PKNOX2: variants seen among roughly 807,000 people sequenced by gnomAD.
PKNOX2 encodes homeobox protein PKNOX2.
PKNOX2 carries 14 observed loss-of-function variants against 53.1 expected under a neutral mutation model. The ratio of observed to expected loss-of-function variants is 0.26; its 90% CI spans 0.17 to 0.41. PKNOX2 has a LOEUF of 0.41. PKNOX2 is among the 10% of genes least tolerant of loss of function. PKNOX2 has a pLI of 1.00. For missense variants in PKNOX2, 496 were observed against 602.8 expected, an observed-to-expected ratio of 0.82 and a Z score of 1.85; for synonymous variants, 257 against 242.8, an observed-to-expected ratio of 1.06 and a Z score of -0.54.
chr11:125,197,634 C>T (rs1033471746), intron 1 of PKNOX2, among the ~76,000 whole-genome samples: 2 of 152,140 alleles, frequency 1.3e-5, no homozygotes, highest in Non-Finnish European at 2.9e-5. Context: ...CAAACCCCTT[C>T]CCTGCCCCAA....
chr11:125,204,358 G>A (rs1021044599), intron 1 of PKNOX2, among the ~76,000 whole-genome samples: 11 of 152,204 alleles, frequency 7.2e-5, no homozygotes, highest in South Asian at 4.1e-4. Flanking sequence ...GATTCAGCAG[G>A]TCTGTGTGGG....
At chr11:125,253,969 G>A (rs1281572592) in intron 2 of PKNOX2, among the ~76,000 whole-genome samples, 3 of 152,144 alleles carry the variant, frequency 2.0e-5, no homozygotes, top group Non-Finnish European at 2.9e-5. Context: ...CTCCTGCTGG[G>A]TGGGAGCATC....
intron 4 of PKNOX2, among the ~76,000 whole-genome samples, chr11:125,362,638 TGAG>T (rs1303837885): frequency 1.3e-5 from 2 of 152,236 alleles, no homozygotes; most frequent in Non-Finnish European, 2.9e-5. Flanking sequence ...CCCAGAGCAC[TGAG>T]ATTACCGGCA....
chr11:125,420,752 G>A (rs1485636870), intron 10 of PKNOX2, among the ~76,000 whole-genome samples: 1 of 152,150 alleles, frequency 6.6e-6, no homozygotes, highest in East Asian at 1.9e-4. Context: ...AGGGGTCCCA[G>A]AGGCCTGAGA....
Position 125,257,812 on chromosome 11 carries a change from G to T in PKNOX2, c.-130+22697G>T, listed in dbSNP as rs372707890. On this transcript the variant is annotated intron_variant, in intron 2 of 12. Transcript: ENST00000298282. ...TTTTCTGCCCCTCTGAAGCTTGTCTGCTCACTTAGACTTTGCATGAGAGCT... is the reference window on the plus strand; with the variant it reads ...TTTTCTGCCCCTCTGAAGCTTGTCTTCTCACTTAGACTTTGCATGAGAGCT... Among the ~76,000 whole-genome samples, 252 of 152,298 alleles carry T rather than the reference G, an allele frequency of 1.7e-3. 2 individuals are homozygous for T. Among genetic ancestry groups the T allele is most frequent in the Middle Eastern group, 6.8e-3 (2 of 294 alleles).
At chr11:125,213,827 G>T (rs189750420) in intron 1 of PKNOX2, among the ~76,000 whole-genome samples, 1 of 152,038 alleles carries the variant, frequency 6.6e-6, no homozygotes, top group Non-Finnish European at 1.5e-5. Flanking sequence ...CATGTGATCC[G>T]GGAGGGGAGT....
chr11:125,279,558 T>G (rs1591510380), intron 2 of PKNOX2, among the ~76,000 whole-genome samples: 2 of 152,324 alleles, frequency 1.3e-5, no homozygotes, highest in East Asian at 3.9e-4. Context: ...CAACTTGCAG[T>G]GTCTGTCCCG....
intron 1 of PKNOX2, among the ~76,000 whole-genome samples, chr11:125,233,822 GCTAAAGATGGCAGGGA>G (rs1942440072): frequency 6.6e-6 from 1 of 152,224 alleles, no homozygotes; most frequent in Non-Finnish European, 1.5e-5. Flanking sequence ...AAGGGAAAGT[GCTAAAGATGGCAGGGA>G]CATGTGAGGG....
chr11:125,405,061 G>C (rs372946473), intron 7 of PKNOX2, among the ~76,000 whole-genome samples: 12 of 152,220 alleles, frequency 7.9e-5, no homozygotes, highest in Admixed American at 2.0e-4. Context: ...TAGTGGCCGG[G>C]GGGAGGATGG....
rs908267027 is a variant in PKNOX2, at chr11:125,240,752, T to A, written c.-130+5637T>A. Among the ~76,000 whole-genome samples the A allele has an allele frequency of 3.9e-5, 6 of 152,170 alleles. No individual in the cohort carries two copies. Among genetic ancestry groups the A allele is most frequent in the Non-Finnish European group, 2.9e-5 (2 of 68,026 alleles). On this transcript the variant is annotated intron_variant, in intron 2 of 12. Transcript: ENST00000298282. The surrounding 1 kb of genome is among the most constrained non-coding windows in gnomAD (Gnocchi z 4.3). ...GCTTATAAGAAGGTTCTGAAGGGTT[T>A]CCAAGTGCTGCTCCCAGTATCCTTG...
chr11:125,193,261 T>C (rs113629207), intron 1 of PKNOX2, among the ~76,000 whole-genome samples: 6,362 of 152,316 alleles, frequency 0.042, 407 homozygotes, highest in African/African-American at 0.14. Flanking sequence ...GTATATAAAC[T>C]GCTTGGGACA....
intron 7 of PKNOX2, among the ~76,000 whole-genome samples, chr11:125,404,249 C>T (rs538012569): frequency 6.6e-6 from 1 of 152,358 alleles, no homozygotes; most frequent in Admixed American, 6.5e-5. Context: ...TTCCTCACCC[C>T]CAGCCCTGCA....
intron 2 of PKNOX2, among the ~76,000 whole-genome samples, chr11:125,316,769 T>C (rs1178569935): frequency 6.6e-6 from 1 of 152,230 alleles, no homozygotes; most frequent in African/African-American, 2.4e-5. Flanking sequence ...TTTGCCTCAG[T>C]GTTGATGGCT....
intron 2 of PKNOX2, among the ~76,000 whole-genome samples, chr11:125,235,579 G>A (rs772881410): frequency 1.2e-4 from 18 of 152,200 alleles, no homozygotes; most frequent in African/African-American, 3.9e-4. Flanking sequence ...GCTGCTGACC[G>A]CTTCCCTTCC....
chr11:125,195,908 C>T (rs1937626848), intron 1 of PKNOX2, among the ~76,000 whole-genome samples: 6 of 152,038 alleles, frequency 3.9e-5, no homozygotes, highest in African/African-American at 9.7e-5. Flanking sequence ...CACACACACA[C>T]ACACACACAC....
At chr11:125,308,610 A>G (rs375546244) in intron 2 of PKNOX2, among the ~76,000 whole-genome samples, 14 of 152,172 alleles carry the variant, frequency 9.2e-5, no homozygotes, top group African/African-American at 3.4e-4. Context: ...CTTTGCCCCA[A>G]TCAGAAATAT....
chr11:125,409,756 A>G (rs892814004), intron 7 of PKNOX2, among the ~76,000 whole-genome samples: 1 of 152,010 alleles, frequency 6.6e-6, no homozygotes, highest in Admixed American at 6.5e-5. Context: ...CTGACAGTGG[A>G]ATCACCTGGG....
intron 4 of PKNOX2, among the ~76,000 whole-genome samples, chr11:125,353,761 A>G (rs1354256971): frequency 6.6e-6 from 1 of 152,226 alleles, no homozygotes; most frequent in Non-Finnish European, 1.5e-5. Context: ...GAGAAGCATC[A>G]GTGTCCATGG....
intron 3 of PKNOX2, among the ~76,000 whole-genome samples, chr11:125,336,763 A>G (rs1294146482): frequency 6.8e-6 from 1 of 147,226 alleles, no homozygotes; most frequent in Non-Finnish European, 1.5e-5. Flanking sequence ...ATAATATATA[A>G]TACTATACAC....
Sources: allele counts gnomAD v4.1 joint callset (sites outside exome capture counted in the v4.1 genomes callset), GRCh38; gene constraint gnomAD v4.1.1; non-coding constraint Gnocchi (gnomAD v3.1); transcripts MANE v1.5; gene names NCBI Gene and HGNC (gene_info 2026-07-23, HGNC 2026-07-21).